COBL: variants seen among roughly 807,000 people sequenced by gnomAD.
COBL encodes cordon-bleu WH2 repeat protein.
In COBL, 51 loss-of-function variants were observed where a neutral mutation model predicts 98.8. The ratio of observed to expected loss-of-function variants is 0.52; its 90% CI spans 0.41 to 0.65. The LOEUF (loss-of-function observed/expected upper bound fraction) is 0.65. Ranked by LOEUF, COBL falls within the 30% of genes least tolerant of loss-of-function variation. The pLI, the probability that COBL is intolerant of heterozygous loss-of-function variation, is 0.00. For synonymous variants in COBL, 634 were observed against 651.7 expected (o/e 0.97, Z 0.41); for missense variants, 1,617 against 1,617.5 (o/e 1.00, Z 0.01).
intron 5 of COBL, among the ~76,000 whole-genome samples, chr7:51,179,821 G>A (rs1188150460): frequency 6.6e-6 from 1 of 152,104 alleles, no homozygotes; most frequent in African/African-American, 2.4e-5. Context: ...CATAAAGATC[G>A]CTAACCCAAC....
chr7:51,062,494 A>AGTCTGG (rs1791485397), intron 7 of COBL, among the ~76,000 whole-genome samples: 1 of 152,116 alleles, frequency 6.6e-6, no homozygotes, highest in Non-Finnish European at 1.5e-5. Flanking sequence ...GAGGCTTCCA[A>AGTCTGG]TTAACACTGC....
intron 7 of COBL, chr7:51,083,309 G>T: frequency 1.9e-6 from 2 of 1,080,486 alleles, no homozygotes; most frequent in Non-Finnish European, 2.6e-6. Context: ...ACCTCACTGG[G>T]CACCAGATCC....
intron 4 of COBL, among the ~76,000 whole-genome samples, chr7:51,188,821 G>C (rs540270536): frequency 6.4e-4 from 97 of 152,262 alleles, no homozygotes; most frequent in African/African-American, 2.3e-3. Flanking sequence ...GCTATCCTGG[G>C]TCCTCTCCTT....
chr7:51,164,242 C>T (rs890739261), intron 5 of COBL, among the ~76,000 whole-genome samples: 1 of 151,930 alleles, frequency 6.6e-6, no homozygotes, highest in Non-Finnish European at 1.5e-5. Flanking sequence ...ACATCTTAAA[C>T]CTAGAGAAAG....
intron 7 of COBL, among the ~76,000 whole-genome samples, chr7:51,084,177 GA>G (rs1347872031): frequency 6.6e-6 from 1 of 152,164 alleles, no homozygotes; most frequent in African/African-American, 2.4e-5. Context: ...TGACTAAGGG[GA>G]AAGACGCTGA....
At chr7:51,225,782 T>A (rs1794119036) in intron 1 of COBL, among the ~76,000 whole-genome samples, 1 of 152,144 alleles carries the variant, frequency 6.6e-6, no homozygotes, top group Non-Finnish European at 1.5e-5. Flanking sequence ...TTCTGAGAGC[T>A]CTTCAACATT....
At chr7:51,199,249 G>C (rs182529605) in intron 2 of COBL, among the ~76,000 whole-genome samples, 1 of 152,084 alleles carries the variant, frequency 6.6e-6, no homozygotes, top group African/African-American at 2.4e-5. Flanking sequence ...ACCCTGAAAC[G>C]GCCAACTTAC....
chr7:51,216,171 G>C (rs1018459012), intron 2 of COBL, among the ~76,000 whole-genome samples: 3 of 152,188 alleles, frequency 2.0e-5, no homozygotes, highest in Admixed American at 6.5e-5. Flanking sequence ...CTTTTGTAAA[G>C]GGCTCTTTGA....
At chr7:51,070,392 A>ACACACACACACACACACACAC (rs1554368780) in intron 7 of COBL, among the ~76,000 whole-genome samples, 1 of 138,930 alleles carries the variant, frequency 7.2e-6, no homozygotes, top group Non-Finnish European at 1.6e-5. Flanking sequence ...AAACAGTTAA[A>ACACACACACACACACACACAC]ACACACACAC....
intron 5 of COBL, among the ~76,000 whole-genome samples, chr7:51,171,926 G>T (rs952516229): frequency 6.6e-6 from 1 of 152,170 alleles, no homozygotes; most frequent in Non-Finnish European, 1.5e-5. Flanking sequence ...TGATAGTAAA[G>T]ATCCAACTTT....
At chr7:51,192,779 T>G (rs991934873) in intron 3 of COBL, among the ~76,000 whole-genome samples, 1 of 152,200 alleles carries the variant, frequency 6.6e-6, no homozygotes, top group Non-Finnish European at 1.5e-5. Context: ...TCTTTTCTCT[T>G]CCTCTGGGAA....
chr7:51,117,070 C>T (rs1797331924), intron 6 of COBL, among the ~76,000 whole-genome samples: 2 of 148,972 alleles, frequency 1.3e-5, no homozygotes, highest in South Asian at 4.4e-4. Flanking sequence ...TCTCCTAATG[C>T]TATCCCTCCC....
At position 51,017,042 on chromosome 7, in the gene COBL, A is replaced by G. The variant is rs569640031; in HGVS notation, c.*509T>C. The G allele has an allele frequency of 5.0e-6, 2 of 400,784 alleles. No individual in the cohort carries two copies. Among genetic ancestry groups the G allele is most frequent in the South Asian group, 1.2e-4 (1 of 8,104 alleles). The allele number at this position is 400,784 out of a possible 1,614,324, so 24.8% of individuals were successfully genotyped here. A position where few individuals can be genotyped will look rare whatever the true frequency, so the allele number is the denominator to read the frequency against. ...AAAGCCACCTTTGAAAAGCCTCCCA[A>G]TTTTTTTTTCTTACTACCAAAACAC... On this transcript the variant is annotated 3_prime_UTR_variant, in exon 13 of 13. Transcript: ENST00000265136.
At position 51,250,080 on chromosome 7, in the gene COBL, C is replaced by A. The variant is rs974991067; in HGVS notation, c.42-30136G>T. ...TCGCACCACTGCACTCCAGCCTGGG[C>A]AACACAGTGAGACTCCATTTCAAAA... On this transcript the variant is annotated intron_variant, in intron 1 of 12. Transcript: ENST00000265136. Among the ~76,000 whole-genome samples the A allele has an allele frequency of 2.0e-5, 3 of 151,370 alleles. No individual in the cohort carries two copies. The South Asian group carries it at 6.3e-4, about 32-fold the overall frequency.
At chr7:51,113,941 T>C (rs1797052743) in intron 6 of COBL, among the ~76,000 whole-genome samples, 1 of 152,198 alleles carries the variant, frequency 6.6e-6, no homozygotes. Context: ...CCTTGCCCTC[T>C]ATAGTTACAG....
intron 1 of COBL, among the ~76,000 whole-genome samples, chr7:51,296,732 C>T (rs1009096341): frequency 3.3e-5 from 5 of 152,080 alleles, no homozygotes; most frequent in Admixed American, 2.0e-4. Context: ...AAGTATAGGA[C>T]GAGAGCTTGC....
chr7:51,184,253 T>C (rs927616479), intron 4 of COBL, 54 bp from the exon 5 acceptor site: 25 of 996,278 alleles, frequency 2.5e-5, no homozygotes, highest in African/African-American at 5.0e-5. Context: ...AGAGATTCAA[T>C]ACTTTACTTA....
At position 51,169,764 on chromosome 7, in the gene COBL, C is replaced by CTACTATT. The variant is rs1424221944; in HGVS notation, c.783+14331_783+14337dup. Among the ~76,000 whole-genome samples the CTACTATT allele has an allele frequency of 4.6e-5, 7 of 152,204 alleles. 1 individual carries two copies. The highest frequency in any genetic ancestry group is 1.2e-4 in the African/African-American group (5 of 41,528). On this transcript the variant is annotated intron_variant, in intron 5 of 12. Coordinates refer to ENST00000265136, the MANE Select transcript of COBL (RefSeq NM_015198.5). Reference sequence around the variant, plus strand: ...AAAGTATATAAAGAATGAATAAGGCCTACTATTTAATAGCACGACAGGGTG... The same window carrying CTACTATT: ...AAAGTATATAAAGAATGAATAAGGCCTACTATTTACTATTTAATAGCACGACAGGGTG...
intron 1 of COBL, among the ~76,000 whole-genome samples, chr7:51,315,743 T>C (rs1584482269): frequency 6.6e-6 from 1 of 151,534 alleles, no homozygotes; most frequent in East Asian, 1.9e-4. Context: ...TGGCTCGGGG[T>C]CTGAATAATG....
Sources: allele counts gnomAD v4.1 joint callset (sites outside exome capture counted in the v4.1 genomes callset), GRCh38; gene constraint gnomAD v4.1.1; transcripts MANE v1.5; gene names NCBI Gene and HGNC (gene_info 2026-07-23, HGNC 2026-07-21).